The following ZDHHC14 variants were observed in gnomAD, a reference collection of about 807,000 sequenced individuals.
ZDHHC14 encodes the protein palmitoyltransferase ZDHHC14.
In ZDHHC14, 16 loss-of-function variants were observed where a neutral mutation model predicts 47.7. The ratio of observed to expected loss-of-function variants is 0.34; its 90% CI spans 0.23 to 0.51. The LOEUF is 0.51. Among genes scored for constraint, ZDHHC14 ranks in the 20% least tolerant of loss-of-function variants. The probability of loss-of-function intolerance (pLI) is 0.97; values close to 1 mark genes in which losing one functional copy is unlikely to be tolerated. For missense variants in ZDHHC14, 515 were observed against 662.5 expected (o/e 0.78, Z 2.44); for synonymous variants, 293 against 278.9 (o/e 1.05, Z -0.50).
intron 3 of ZDHHC14, among the ~76,000 whole-genome samples, chr6:157,605,192 A>T (rs141034107): frequency 0.017 from 2,582 of 152,328 alleles, 68 homozygotes; most frequent in African/African-American, 0.046. Context: ...AAGAGCTATG[A>T]AATAATTTGG....
intron 7 of ZDHHC14, among the ~76,000 whole-genome samples, chr6:157,651,663 G>A (rs569681049): frequency 1.4e-3 from 208 of 152,218 alleles, no homozygotes; most frequent in African/African-American, 4.8e-3. Flanking sequence ...CTGCCTCCCA[G>A]GTTCAAGTGA....
intron 5 of ZDHHC14, among the ~76,000 whole-genome samples, chr6:157,634,992 CTTT>C (rs112627001): frequency 6.9e-6 from 1 of 145,370 alleles, no homozygotes; most frequent in Non-Finnish European, 1.5e-5. Context: ...GCTACCTGGT[CTTT>C]TTTTTTTTTT....
At chr6:157,631,008 TCA>T (rs1785700248) in intron 4 of ZDHHC14, 1 of 143,724 alleles carries the variant, frequency 7.0e-6, no homozygotes, top group South Asian at 2.3e-4. Flanking sequence ...ACCCACACTC[TCA>T]CACCTTTACA....
chr6:157,460,226 C>A (rs1477022896), intron 1 of ZDHHC14, among the ~76,000 whole-genome samples: 1 of 136,708 alleles, frequency 7.3e-6, no homozygotes, highest in Admixed American at 7.2e-5. Flanking sequence ...AAACAAAAAA[C>A]AAAACAAAAC....
intron 2 of ZDHHC14, among the ~76,000 whole-genome samples, chr6:157,557,678 G>T (rs549831342): frequency 6.6e-6 from 1 of 152,274 alleles, no homozygotes; most frequent in South Asian, 2.1e-4. Flanking sequence ...TTGTCAGCTG[G>T]GTCCATTGCT....
intron 7 of ZDHHC14, among the ~76,000 whole-genome samples, chr6:157,651,527 TC>T (rs1356251806): frequency 6.6e-6 from 1 of 152,064 alleles, no homozygotes; most frequent in Non-Finnish European, 1.5e-5. Context: ...GGTTAAGACT[TC>T]ATATCTTTCT....
chr6:157,553,808 G>T (rs1407809006), intron 2 of ZDHHC14, among the ~76,000 whole-genome samples: 1 of 152,168 alleles, frequency 6.6e-6, no homozygotes, highest in Non-Finnish European at 1.5e-5. Flanking sequence ...TGAGTTGATT[G>T]ATGGCTACCA....
intron 1 of ZDHHC14, among the ~76,000 whole-genome samples, chr6:157,515,113 G>A (rs1780634195): frequency 6.6e-6 from 1 of 152,172 alleles, no homozygotes; most frequent in Non-Finnish European, 1.5e-5. Context: ...AGGTTGCTTG[G>A]TGAGTGGGGC....
chr6:157,437,001 G>A (rs190379906), intron 1 of ZDHHC14, among the ~76,000 whole-genome samples: 71 of 152,264 alleles, frequency 4.7e-4, no homozygotes, highest in Admixed American at 2.9e-3. Flanking sequence ...GGGGCATCCT[G>A]AGACTTAGCA....
intron 1 of ZDHHC14, among the ~76,000 whole-genome samples, chr6:157,431,907 T>G (rs1228025200): frequency 5.3e-5 from 8 of 151,986 alleles, no homozygotes. Context: ...TTTTGTATTT[T>G]TTGTAGAGAT....
At chr6:157,634,814 G>A (rs1410977926) in intron 5 of ZDHHC14, among the ~76,000 whole-genome samples, 1 of 152,196 alleles carries the variant, frequency 6.6e-6, no homozygotes, top group Non-Finnish European at 1.5e-5. Context: ...AGTGCCTCTC[G>A]GCTGGGAGGG....
intron 1 of ZDHHC14, among the ~76,000 whole-genome samples, chr6:157,496,080 CAT>C (rs993831259): frequency 6.6e-5 from 10 of 152,316 alleles, no homozygotes; most frequent in South Asian, 6.2e-4. Context: ...CCCAATTCCA[CAT>C]GTTTTGTGGC....
intron 3 of ZDHHC14, among the ~76,000 whole-genome samples, chr6:157,605,485 T>G (rs986159104): frequency 6.6e-6 from 1 of 152,232 alleles, no homozygotes; most frequent in Admixed American, 6.5e-5. Flanking sequence ...GTCTTCCCTG[T>G]GTTACCAAGC....
At position 157,552,267 on chromosome 6, in the gene ZDHHC14, G is replaced by T. The variant is rs934779811; in HGVS notation, c.406+9522G>T. Among the ~76,000 whole-genome samples, 10 of 152,198 alleles carry T rather than the reference G, an allele frequency of 6.6e-5. 1 individual carries two copies. In the East Asian group the frequency reaches 1.9e-3, roughly 29 times the overall value. On this transcript the variant is annotated intron_variant, in intron 2 of 8. Coordinates refer to ENST00000359775, the MANE Select transcript of ZDHHC14 (RefSeq NM_024630.3). ...ACGGTAGCTCTTTTGAGTGAGTGAG[G>T]GAGTGAGTCAGTCAGTCAGTTGGGT...
chr6:157,531,213 A>G (rs1026843273), intron 1 of ZDHHC14, among the ~76,000 whole-genome samples: 3 of 151,976 alleles, frequency 2.0e-5, no homozygotes, highest in African/African-American at 4.8e-5. Flanking sequence ...TTCAGCAAAT[A>G]TTTGTCGAGT....
At chr6:157,672,629 A>AG in intron 8 of ZDHHC14, 95 bp from the exon 9 acceptor site, 2 of 79,518 alleles carry the variant, frequency 2.5e-5, no homozygotes, top group Non-Finnish European at 2.7e-5. Context: ...CTCGCACCCC[A>AG]CCCTCCCCGC....
At chr6:157,447,643 G>A (rs1462166907) in intron 1 of ZDHHC14, among the ~76,000 whole-genome samples, 2 of 152,144 alleles carry the variant, frequency 1.3e-5, no homozygotes, top group Non-Finnish European at 2.9e-5. Flanking sequence ...AGACCCGGGG[G>A]TCCAGGTATC....
At chr6:157,467,843 C>T (rs1032488785) in intron 1 of ZDHHC14, among the ~76,000 whole-genome samples, 2 of 152,148 alleles carry the variant, frequency 1.3e-5, no homozygotes, top group Non-Finnish European at 2.9e-5. Flanking sequence ...ATTCATCCCT[C>T]ATTATGGCGG....
intron 1 of ZDHHC14, among the ~76,000 whole-genome samples, chr6:157,465,428 A>G (rs1162795636): frequency 6.6e-6 from 1 of 152,058 alleles, no homozygotes; most frequent in African/African-American, 2.4e-5. Flanking sequence ...GAGTGTGGTA[A>G]AAATGCCCAA....
Sources: allele counts gnomAD v4.1 joint callset (sites outside exome capture counted in the v4.1 genomes callset), GRCh38; gene constraint gnomAD v4.1.1; transcripts MANE v1.5; gene names NCBI Gene and HGNC (gene_info 2026-07-23, HGNC 2026-07-21).